The following RAB3IP variants were observed in gnomAD, a reference collection of about 807,000 sequenced individuals.
RAB3IP encodes the protein rab-3A-interacting protein.
In RAB3IP, 36 loss-of-function variants were observed where a neutral mutation model predicts 59.1. The ratio of observed to expected loss-of-function variants is 0.61; its 90% confidence interval spans 0.47 to 0.80. The LOEUF (loss-of-function observed/expected upper bound fraction) is 0.80. Among genes scored for constraint, RAB3IP ranks in the 30% least tolerant of loss-of-function variants. RAB3IP has a pLI of 0.00. For synonymous variants in RAB3IP, 207 were observed against 191.2 expected (o/e 1.08, Z -0.68); for missense variants, 511 against 536.0 (o/e 0.95, Z 0.46).
At chr12:69,760,329 A>G (rs111716791) in intron 3 of RAB3IP, among the ~76,000 whole-genome samples, 114 of 152,360 alleles carry the variant, frequency 7.5e-4, no homozygotes, top group African/African-American at 2.6e-3. Context: ...AGATGGCAGC[A>G]GTACAGTCCA....
intron 6 of RAB3IP, 30 bp from the exon 7 acceptor site, chr12:69,800,179 A>C: frequency 6.8e-7 from 1 of 1,480,644 alleles, no homozygotes; most frequent in Non-Finnish European, 9.0e-7. Flanking sequence ...GTTTTAAAAC[A>C]TGTTTTTGTG....
intron 4 of RAB3IP, among the ~76,000 whole-genome samples, chr12:69,789,469 A>T (rs571229631): frequency 6.6e-6 from 1 of 152,110 alleles, no homozygotes; most frequent in Admixed American, 6.6e-5. Context: ...AGAAACAAAA[A>T]AGCCCAAGAT....
At chr12:69,779,449 C>CT (rs1203658606) in intron 3 of RAB3IP, among the ~76,000 whole-genome samples, 3 of 151,764 alleles carry the variant, frequency 2.0e-5, no homozygotes, top group African/African-American at 7.3e-5. Flanking sequence ...TCCCATTTGT[C>CT]TTTCTTTATT....
At chr12:69,807,393 G>A (rs1267235013) in intron 8 of RAB3IP, among the ~76,000 whole-genome samples, 5 of 145,248 alleles carry the variant, frequency 3.4e-5, no homozygotes, top group South Asian at 2.3e-4. Context: ...CGGGGCGGCC[G>A]GGAAGAGGCG....
Position 69,822,409 on chromosome 12 carries a change from C to A in RAB3IP, c.*6963C>A, listed in dbSNP as rs1238469568. The A allele has an allele frequency of 6.6e-6, 1 of 151,844 alleles. No homozygotes were observed. 9.4% of individuals were successfully genotyped at this position (151,844 alleles called of 1,614,324 possible). The stretch of plus-strand genomic sequence containing the variant: ...AATGGGATTGTATCATGCCCCACAC[C>A]CAAGCAGATAGAAACTGTCAATAGA... On this transcript the variant is annotated 3_prime_UTR_variant, in exon 11 of 11. Coordinates refer to ENST00000247833, the MANE Select transcript of RAB3IP (RefSeq NM_022456.5).
Position 69,756,648 on chromosome 12 carries a change from C to CG in RAB3IP, c.496dup (p.Ala166GlyfsTer12), listed in dbSNP as rs770598784. 6.2e-7 allele frequency: 1 copy of CG among 1,613,028 alleles called. No individual in the cohort carries two copies. The highest frequency in any genetic ancestry group is 8.5e-7 in the Non-Finnish European group (1 of 1,179,504). ...GCTATGAACGATTAAAAGAAGAACTCGCAAAAGCTCAGAGGGTAAGAAAGA... is the reference window on the plus strand; with the variant it reads ...GCTATGAACGATTAAAAGAAGAACTCGGCAAAAGCTCAGAGGGTAAGAAAGA... On this transcript the variant is annotated frameshift_variant, in exon 3 of 11. Transcript: ENST00000247833. LOFTEE classifies it high-confidence loss of function.
rs1398875573 is a variant in RAB3IP, at chr12:69,820,887, T to G, written c.*5441T>G. 8.9e-6 allele frequency: 1 copy of G among 112,758 alleles called. No homozygotes were observed. Among genetic ancestry groups the G allele is most frequent in the African/African-American group, 3.3e-5 (1 of 30,098 alleles). 7.0% of individuals were successfully genotyped at this position (112,758 alleles called of 1,614,324 possible). On this transcript the variant is annotated 3_prime_UTR_variant, in exon 11 of 11. Transcript: ENST00000247833. ...AAAAAAAAAAAAAACCCAAACTCAA[T>G]AGAAAATCAAGTTTTCATAGTGGTA...
intron 3 of RAB3IP, among the ~76,000 whole-genome samples, chr12:69,780,087 C>T (rs12368922): frequency 0.1 from 15,686 of 152,128 alleles, 902 homozygotes; most frequent in South Asian, 0.18. Context: ...ACGAAGATGA[C>T]ATGGTGCTCC....
At chr12:69,812,707 G>A (rs1036693703) in intron 8 of RAB3IP, 71 bp from the exon 9 acceptor site, 23 of 980,658 alleles carry the variant, frequency 2.3e-5, no homozygotes, top group Non-Finnish European at 3.6e-5. Flanking sequence ...TGAATGAATA[G>A]GCAACTTGTA....
chr12:69,755,231 A>G (rs1362788483), intron 1 of RAB3IP, among the ~76,000 whole-genome samples, 153 bp from the exon 2 acceptor site: 2 of 152,088 alleles, frequency 1.3e-5, no homozygotes, highest in Non-Finnish European at 2.9e-5. Context: ...GGCATATACC[A>G]CCATGTGATT....
chr12:69,804,639 T>G (rs1160972348), intron 8 of RAB3IP, among the ~76,000 whole-genome samples: 1 of 152,246 alleles, frequency 6.6e-6, no homozygotes, highest in Non-Finnish European at 1.5e-5. Context: ...GTCTAACATT[T>G]AAGTCTTTAA....
At chr12:69,804,846 T>C (rs1427657143) in intron 8 of RAB3IP, among the ~76,000 whole-genome samples, 1 of 152,240 alleles carries the variant, frequency 6.6e-6, no homozygotes, top group African/African-American at 2.4e-5. Context: ...TTCTGTTCCA[T>C]TGGTCTATAT....
intron 3 of RAB3IP, among the ~76,000 whole-genome samples, chr12:69,765,022 A>T (rs766616104): frequency 6.6e-6 from 1 of 152,226 alleles, no homozygotes; most frequent in Non-Finnish European, 1.5e-5. Context: ...GTCATTTATC[A>T]GTTCCAGGAA....
Position 69,823,152 on chromosome 12 carries a change from C to T in RAB3IP, c.*7706C>T, listed in dbSNP as rs1881945152. 1 of 152,038 alleles carries T rather than the reference C, an allele frequency of 6.6e-6. No homozygotes were observed. 9.4% of individuals were successfully genotyped at this position (152,038 alleles called of 1,614,324 possible). A position where few individuals can be genotyped will look rare whatever the true frequency, so the allele number is the denominator to read the frequency against. On this transcript the variant is annotated 3_prime_UTR_variant, in exon 11 of 11. Transcript: ENST00000247833. The stretch of plus-strand genomic sequence containing the variant: ...TCATTGTGTACCCCATGAATATGGG[C>T]AATTATTATTTGTTAATTAAAAAAA...
intron 3 of RAB3IP, among the ~76,000 whole-genome samples, chr12:69,765,725 A>C (rs1872094440): frequency 6.6e-6 from 1 of 152,214 alleles, no homozygotes; most frequent in African/African-American, 2.4e-5. Flanking sequence ...GAATGCATGG[A>C]GATCTGCCTG....
At chr12:69,811,867 A>C (rs1437192037) in intron 8 of RAB3IP, among the ~76,000 whole-genome samples, 2 of 152,176 alleles carry the variant, frequency 1.3e-5, no homozygotes, top group Non-Finnish European at 2.9e-5. Flanking sequence ...AATGTTATTT[A>C]ATATATTTAC....
intron 4 of RAB3IP, among the ~76,000 whole-genome samples, chr12:69,792,822 C>T (rs1876852414): frequency 6.6e-6 from 1 of 152,144 alleles, no homozygotes; most frequent in African/African-American, 2.4e-5. Flanking sequence ...TCTCAGATAC[C>T]TTCAAACATA....
rs376166095 is a variant in RAB3IP, at chr12:69,756,278, G to C, written c.252-127G>C. 6 of 899,416 alleles carry C rather than the reference G, an allele frequency of 6.7e-6. No homozygotes were observed. In the African/African-American group the frequency reaches 8.5e-5, roughly 13 times the overall value. 55.7% of individuals were successfully genotyped at this position (899,416 alleles called of 1,614,324 possible). A position where few individuals can be genotyped will look rare whatever the true frequency, so the allele number is the denominator to read the frequency against. On this transcript the variant is annotated intron_variant, in intron 2 of 10. Transcript: ENST00000247833. Reference sequence around the variant, plus strand: ...CTTGAAATGTGGCTGATATGACTGAGGACATACTATTTATTTAAATATAGA... The same window carrying C: ...CTTGAAATGTGGCTGATATGACTGACGACATACTATTTATTTAAATATAGA...
intron 1 of RAB3IP, among the ~76,000 whole-genome samples, chr12:69,750,545 T>G (rs1470455741): frequency 5.7e-5 from 3 of 52,562 alleles, no homozygotes; most frequent in Non-Finnish European, 9.8e-5. Flanking sequence ...TCTACCTCGT[T>G]TTTTTTTTTT....
Sources: gnomAD v4.1 joint callset for allele counts (sites outside exome capture counted in the v4.1 genomes callset) on GRCh38, gnomAD v4.1.1 for gene constraint, MANE v1.5 for transcripts, NCBI Gene and HGNC (gene_info 2026-07-23, HGNC 2026-07-21) for gene names.